Variants in TMEM178B observed in about 807,000 individuals in gnomAD.
The protein encoded by TMEM178B is transmembrane protein 178B.
Under a neutral mutation model 31.0 loss-of-function variants are expected in TMEM178B, and 5 were observed. That is an observed-to-expected ratio of 0.16 (90% confidence interval 0.08 to 0.34). The LOEUF (loss-of-function observed/expected upper bound fraction) is 0.34, where lower values mean the gene tolerates loss of function less well. Ranked by LOEUF, TMEM178B falls within the 10% of genes least tolerant of loss-of-function variation. The pLI, the probability that TMEM178B is intolerant of heterozygous loss-of-function variation, is 1.00. For synonymous variants in TMEM178B, 164 were observed against 164.0 expected, an observed-to-expected ratio of 1.00 and a Z score of 0.00; for missense variants, 275 against 400.3, an observed-to-expected ratio of 0.69 and a Z score of 2.67.
chr7:141,495,498 G>A, the TMEM178B span, among the ~76,000 whole-genome samples: 1 of 152,178 alleles, frequency 6.6e-6, no homozygotes, highest in African/African-American at 2.4e-5. Context: ...ACCATTAGTG[G>A]GTGGTAAATT....
intron 1 of TMEM178B, among the ~76,000 whole-genome samples, chr7:141,173,439 C>T (rs943586962): frequency 2.8e-4 from 43 of 152,128 alleles, no homozygotes; most frequent in African/African-American, 9.7e-4. Context: ...TCCCTGACCA[C>T]GCTGCCTCCA....
intron 2 of TMEM178B, among the ~76,000 whole-genome samples, chr7:141,418,380 T>A (rs2116647511): frequency 6.6e-6 from 1 of 152,130 alleles, no homozygotes; most frequent in South Asian, 2.1e-4. Context: ...TAGTTATAAA[T>A]CTAGTAGGGG....
At chr7:141,445,181 T>A (rs1455105399) in intron 3 of TMEM178B, among the ~76,000 whole-genome samples, 4 of 152,134 alleles carry the variant, frequency 2.6e-5, no homozygotes, top group Non-Finnish European at 5.9e-5. Context: ...TGATGCCACA[T>A]GTCTGGCATC....
intron 1 of TMEM178B, among the ~76,000 whole-genome samples, chr7:141,211,924 G>A (rs1586828068): frequency 6.6e-6 from 1 of 152,240 alleles, no homozygotes; most frequent in East Asian, 1.9e-4. Context: ...TGCCAGCCCT[G>A]GGACCACACT....
At chr7:141,453,636 C>T (rs1410735880) in intron 3 of TMEM178B, among the ~76,000 whole-genome samples, 1 of 152,180 alleles carries the variant, frequency 6.6e-6, no homozygotes, top group Non-Finnish European at 1.5e-5. Flanking sequence ...ACAAAGGGAG[C>T]CTCCCTCTGC....
intron 1 of TMEM178B, among the ~76,000 whole-genome samples, chr7:141,192,123 A>C (rs1187791996): frequency 1.3e-5 from 2 of 152,196 alleles, no homozygotes; most frequent in Non-Finnish European, 2.9e-5. Context: ...CACTATTACT[A>C]TATAGTAAAT....
rs931435622 is a variant in TMEM178B at position 141,321,082 on chromosome 7, C to T, written c.496+108378C>T. ...GTTCCATGCACACACTTCTTAAGTG[C>T]ATGCAGTTCTTCCTTGTGTGACTCC... On this transcript the variant is annotated intron_variant, in intron 2 of 3. Coordinates refer to ENST00000565468, the MANE Select transcript of TMEM178B (RefSeq NM_001195278.2). Among the ~76,000 whole-genome samples the T allele has an allele frequency of 5.9e-5, 9 of 152,200 alleles. 1 individual carries two copies. Among genetic ancestry groups the T allele is most frequent in the Admixed American group, 5.9e-4 (9 of 15,286 alleles).
At chr7:141,188,035 G>A (rs866863019) in intron 1 of TMEM178B, among the ~76,000 whole-genome samples, 78 of 152,192 alleles carry the variant, frequency 5.1e-4, no homozygotes, top group African/African-American at 1.7e-3. Context: ...TGTCCTGAAT[G>A]GTATTGCCTA....
Position 141,308,361 on chromosome 7 carries a change from C to A in TMEM178B, c.496+95657C>A, listed in dbSNP as rs530005485. Reference sequence around the variant, plus strand: ...TTGGAAATGTGTTGTACATTTTTCACCTGTAGTTTCAAAAAATTTTTTAAA... The same window carrying A: ...TTGGAAATGTGTTGTACATTTTTCAACTGTAGTTTCAAAAAATTTTTTAAA... On this transcript the variant is annotated intron_variant, in intron 2 of 3. Transcript: ENST00000565468. Among the ~76,000 whole-genome samples, 33 of 152,260 alleles carry A rather than the reference C, an allele frequency of 2.2e-4. No individual in the cohort carries two copies. In the South Asian group the frequency reaches 3.7e-3, roughly 17 times the overall value.
At chr7:141,315,016 T>C (rs1798976894) in intron 2 of TMEM178B, among the ~76,000 whole-genome samples, 1 of 152,254 alleles carries the variant, frequency 6.6e-6, no homozygotes, top group African/African-American at 2.4e-5. Flanking sequence ...CTGAGCCTTC[T>C]TCCTGATGTG....
intron 2 of TMEM178B, among the ~76,000 whole-genome samples, chr7:141,298,168 T>C (rs1425810297): frequency 1.3e-5 from 2 of 152,246 alleles, no homozygotes; most frequent in East Asian, 3.8e-4. Flanking sequence ...TTGAGAAGTG[T>C]CTGTTCATAT....
chr7:141,083,374 A>T (rs1250149665), intron 1 of TMEM178B, among the ~76,000 whole-genome samples: 1 of 151,842 alleles, frequency 6.6e-6, no homozygotes, highest in East Asian at 1.9e-4. Flanking sequence ...TTTACATTTG[A>T]TGAGAAAGTT....
chr7:141,388,003 G>T (rs10277430), intron 2 of TMEM178B, among the ~76,000 whole-genome samples: 1 of 152,170 alleles, frequency 6.6e-6, no homozygotes, highest in Non-Finnish European at 1.5e-5. Flanking sequence ...CTGCCAAGCC[G>T]CACACCCTTT....
chr7:141,221,102 A>C (rs913284943), intron 2 of TMEM178B, among the ~76,000 whole-genome samples: 1 of 152,236 alleles, frequency 6.6e-6, no homozygotes, highest in Non-Finnish European at 1.5e-5. Flanking sequence ...GGGAAAAAAA[A>C]CAATATATAA....
At chr7:141,076,992 C>G (rs1563081462) in intron 1 of TMEM178B, among the ~76,000 whole-genome samples, 2 of 152,218 alleles carry the variant, frequency 1.3e-5, no homozygotes, top group Non-Finnish European at 2.9e-5. Flanking sequence ...AACACACACT[C>G]TTTGAAAACC....
chr7:141,401,602 T>C (rs1391031553), intron 2 of TMEM178B, among the ~76,000 whole-genome samples: 1 of 152,090 alleles, frequency 6.6e-6, no homozygotes, highest in African/African-American at 2.4e-5. Context: ...TTTTTATTTT[T>C]TTAGAGATGG....
intron 1 of TMEM178B, among the ~76,000 whole-genome samples, chr7:141,192,708 C>T (rs1796717328): frequency 6.6e-6 from 1 of 152,136 alleles, no homozygotes; most frequent in Non-Finnish European, 1.5e-5. Context: ...TTAGGTGATC[C>T]ACCCAGCTCA....
chr7:141,254,805 T>C (rs1461693102), intron 2 of TMEM178B, among the ~76,000 whole-genome samples: 1 of 152,236 alleles, frequency 6.6e-6, no homozygotes, highest in East Asian at 1.9e-4. Flanking sequence ...TGATTTTCAG[T>C]GTACACAGTT....
intron 2 of TMEM178B, among the ~76,000 whole-genome samples, chr7:141,433,649 G>C (rs188611561): frequency 9.9e-5 from 15 of 152,268 alleles, no homozygotes; most frequent in Non-Finnish European, 1.6e-4. Flanking sequence ...CAAGAATGCA[G>C]CTCACTCTTC....
Sources: gnomAD v4.1 joint callset for allele counts (sites outside exome capture counted in the v4.1 genomes callset) on GRCh38, gnomAD v4.1.1 for gene constraint, MANE v1.5 for transcripts, NCBI Gene and HGNC (gene_info 2026-07-23, HGNC 2026-07-21) for gene names.